Variants in STX8 observed in about 807,000 individuals in gnomAD.
The protein encoded by STX8 is syntaxin 8, also known as syntaxin-8.
Under a neutral mutation model 37.5 loss-of-function variants are expected in STX8, and 23 were observed. The observed-to-expected ratio is 0.61, with a 90% confidence interval of 0.44 to 0.87. The LOEUF (loss-of-function observed/expected upper bound fraction) is 0.87. Among genes scored for constraint, STX8 ranks in the 40% least tolerant of loss-of-function variants. The pLI, the probability that STX8 is intolerant of heterozygous loss-of-function variation, is 0.00. For synonymous variants in STX8, 115 were observed against 99.1 expected, an observed-to-expected ratio of 1.16 and a Z score of -0.95; for missense variants, 313 against 284.7, an observed-to-expected ratio of 1.10 and a Z score of -0.71.
chr17:9,575,673 C>T (rs1597754257), intron 1 of STX8, 119 bp downstream of exon 1: 1 of 1,267,006 alleles, frequency 7.9e-7, no homozygotes, highest in East Asian at 2.6e-5. Flanking sequence ...AAAGGTCTCG[C>T]TGCCCCTCCC....
chr17:9,491,781 A>C, intron 6 of STX8, 48 bp downstream of exon 6: 3 of 1,463,012 alleles, frequency 2.1e-6, no homozygotes, highest in Non-Finnish European at 2.9e-6. Flanking sequence ...TCAAGCCTTT[A>C]GTATTTATGT....
At chr17:9,368,893 A>G (rs1166101011) in intron 7 of STX8, among the ~76,000 whole-genome samples, 1 of 148,546 alleles carries the variant, frequency 6.7e-6, no homozygotes, top group East Asian at 2.0e-4. Context: ...CCTCTCTCCT[A>G]TACTCTTAAG....
At chr17:9,255,513 C>T (rs1419048416) in intron 7 of STX8, among the ~76,000 whole-genome samples, 1 of 150,482 alleles carries the variant, frequency 6.6e-6, no homozygotes, top group East Asian at 1.9e-4. Flanking sequence ...GGCAACAGAG[C>T]AAGACTCCAT....
At chr17:9,415,990 C>T (rs1363234091) in intron 6 of STX8, among the ~76,000 whole-genome samples, 1 of 152,162 alleles carries the variant, frequency 6.6e-6, no homozygotes, top group African/African-American at 2.4e-5. Context: ...GTAATGAGTT[C>T]TCCTGGATTT....
chr17:9,313,150 C>T (rs1909252697), intron 7 of STX8, among the ~76,000 whole-genome samples: 1 of 152,024 alleles, frequency 6.6e-6, no homozygotes, highest in Non-Finnish European at 1.5e-5. Context: ...GAGATCACGC[C>T]ATTGCATTCC....
rs539030277 is a variant in STX8, at chr17:9,564,422, C to T, written c.117+3949G>A. Among the ~76,000 whole-genome samples, 3 of 152,188 alleles carry T rather than the reference C, an allele frequency of 2.0e-5. No individual in the cohort carries two copies. In the South Asian group the frequency reaches 6.2e-4, roughly 32 times the overall value. On this transcript the variant is annotated intron_variant, in intron 2 of 7. Transcript: ENST00000306357. ...TAGGAAGAGAGGAAATCAAACTATT[C>T]CTGTTTGCAGACAACATGATCCTAT... is the stretch of plus-strand genomic sequence containing the variant.
chr17:9,340,282 A>G (rs1910302421), intron 7 of STX8, among the ~76,000 whole-genome samples: 1 of 152,226 alleles, frequency 6.6e-6, no homozygotes, highest in African/African-American at 2.4e-5. Context: ...ATTTTCCCCA[A>G]CATGCAGACT....
At chr17:9,263,195 G>A (rs1432090294) in intron 7 of STX8, among the ~76,000 whole-genome samples, 1 of 149,602 alleles carries the variant, frequency 6.7e-6, no homozygotes. Flanking sequence ...AAAAAGGGAC[G>A]GGTGCGTGCG....
intron 3 of STX8, among the ~76,000 whole-genome samples, chr17:9,556,376 G>T (rs1906962765): frequency 1.3e-5 from 2 of 152,058 alleles, no homozygotes; most frequent in Non-Finnish European, 2.9e-5. Context: ...ATATACACTT[G>T]GGTGTAAAAA....
At chr17:9,480,022 C>T (rs1373655796) in intron 6 of STX8, among the ~76,000 whole-genome samples, 1 of 152,204 alleles carries the variant, frequency 6.6e-6, no homozygotes, top group Non-Finnish European at 1.5e-5. Flanking sequence ...TTATCCTTTT[C>T]AATCTGTTCA....
chr17:9,402,356 G>A (rs1287551515), intron 6 of STX8, among the ~76,000 whole-genome samples: 1 of 152,020 alleles, frequency 6.6e-6, no homozygotes, highest in Non-Finnish European at 1.5e-5. Flanking sequence ...CCTGATCTCA[G>A]GTGATCTGCC....
chr17:9,540,740 G>C lies in STX8; in HGVS notation c.323+4432C>G, dbSNP rs554711640. On this transcript the variant is annotated intron_variant, in intron 4 of 7. Transcript: ENST00000306357. ...ACAGTACTTACATTATTTTTAAACA[G>C]AATTCTTCTAGAACCTTATTCTGAA... The C allele has an allele frequency of 2.0e-5, 3 of 152,270 alleles. No individual in the cohort carries two copies. In the East Asian group the frequency reaches 5.8e-4, roughly 29 times the overall value. The allele number at this position is 152,270 out of a possible 1,614,324, so 9.4% of individuals were successfully genotyped here. A position where few individuals can be genotyped will look rare whatever the true frequency, so the allele number is the denominator to read the frequency against.
At chr17:9,287,569 TA>T (rs1176109248) in intron 7 of STX8, among the ~76,000 whole-genome samples, 1 of 152,028 alleles carries the variant, frequency 6.6e-6, no homozygotes, top group African/African-American at 2.4e-5. Context: ...TTCCACTCAT[TA>T]GGGGGGACTA....
intron 7 of STX8, among the ~76,000 whole-genome samples, chr17:9,266,292 G>A (rs1052000680): frequency 3.3e-5 from 5 of 152,172 alleles, no homozygotes; most frequent in Admixed American, 1.3e-4. Flanking sequence ...CCAGCGCACC[G>A]GAGCCTGCTT....
At chr17:9,331,953 A>G (rs1909975803) in intron 7 of STX8, among the ~76,000 whole-genome samples, 1 of 152,236 alleles carries the variant, frequency 6.6e-6, no homozygotes, top group Non-Finnish European at 1.5e-5. Context: ...ATACATTAAT[A>G]TCTGAAACTG....
intron 7 of STX8, among the ~76,000 whole-genome samples, chr17:9,300,230 CT>C (rs1908720577): frequency 6.7e-6 from 1 of 149,766 alleles, no homozygotes; most frequent in Non-Finnish European, 1.5e-5. Flanking sequence ...ACTTGGGAGG[CT>C]GAGGCAGGAG....
At chr17:9,376,231 C>T (rs1046333508) in intron 7 of STX8, among the ~76,000 whole-genome samples, 25 of 152,070 alleles carry the variant, frequency 1.6e-4, no homozygotes, top group Admixed American at 1.5e-3. Flanking sequence ...GGTTTGAAAA[C>T]GCACCAATCA....
chr17:9,442,865 C>A (rs73973762), intron 6 of STX8, among the ~76,000 whole-genome samples: 6 of 152,062 alleles, frequency 3.9e-5, no homozygotes, highest in Admixed American at 6.6e-5. Flanking sequence ...CTCCTAAGAA[C>A]GTGTGAGATA....
intron 6 of STX8, among the ~76,000 whole-genome samples, chr17:9,405,130 C>G (rs1306955965): frequency 6.6e-6 from 1 of 152,176 alleles, no homozygotes; most frequent in Non-Finnish European, 1.5e-5. Context: ...ATAGCTTTTT[C>G]TGTCATAACA....
Sources: allele counts gnomAD v4.1 joint callset (sites outside exome capture counted in the v4.1 genomes callset), GRCh38; gene constraint gnomAD v4.1.1; transcripts MANE v1.5; gene names NCBI Gene and HGNC (gene_info 2026-07-23, HGNC 2026-07-21).